The following NAALADL2 variants were observed in gnomAD, a reference collection of about 807,000 sequenced individuals.
NAALADL2 encodes N-acetylated alpha-linked acidic dipeptidase like 2, also known as inactive N-acetylated-alpha-linked acidic dipeptidase-like protein 2.
Under a neutral mutation model 87.2 loss-of-function variants are expected in NAALADL2, and 76 were observed. The ratio of observed to expected loss-of-function variants is 0.87; its 90% CI spans 0.72 to 1.05. The LOEUF (loss-of-function observed/expected upper bound fraction) is 1.05. Among genes scored for constraint, NAALADL2 ranks in the 50% least tolerant of loss-of-function variants. The probability of loss-of-function intolerance (pLI) is 0.00; values close to 1 mark genes in which losing one functional copy is unlikely to be tolerated. For synonymous variants in NAALADL2, 354 were observed against 331.0 expected (o/e 1.07, Z -0.75); for missense variants, 1,089 against 945.8 (o/e 1.15, Z -1.99).
In NAALADL2 at chr3:174,668,189, G is replaced by C. The variant is rs1169058862; in HGVS notation, c.-114-69452G>C. Reference sequence around the variant, plus strand: ...TCCTTTGTCTATTTAATTCCTTTGGGCATTTTTAAATTGGGCTACTTTTTG... The same window carrying C: ...TCCTTTGTCTATTTAATTCCTTTGGCCATTTTTAAATTGGGCTACTTTTTG... On this transcript the variant is annotated intron_variant, in intron 2 of 3. Coordinates refer to the NAALADL2 transcript ENST00000434257. Among the ~76,000 whole-genome samples, 25 of 151,972 alleles carry C rather than the reference G, an allele frequency of 1.6e-4. 1 individual carries two copies.
At chr3:174,575,382 C>A (rs572571760) in intron 2 of NAALADL2, among the ~76,000 whole-genome samples, 32 of 152,238 alleles carry the variant, frequency 2.1e-4, no homozygotes, top group African/African-American at 7.7e-4. Context: ...GGACTTGGTA[C>A]TTTGTGAGCA....
chr3:174,721,669 A>G (rs1354053979), intron 2 of NAALADL2, among the ~76,000 whole-genome samples: 1 of 152,210 alleles, frequency 6.6e-6, no homozygotes, highest in Non-Finnish European at 1.5e-5. Flanking sequence ...TGTCTACCAG[A>G]GTTCCATGGA....
At chr3:174,874,940 C>A (rs181801004) in intron 1 of NAALADL2, among the ~76,000 whole-genome samples, 190 of 151,512 alleles carry the variant, frequency 1.3e-3, no homozygotes, top group African/African-American at 4.4e-3. Flanking sequence ...TATAGTGAGA[C>A]CCTATCTTTA....
chr3:175,158,502 C>G (rs1732657954), intron 2 of NAALADL2, among the ~76,000 whole-genome samples: 1 of 152,034 alleles, frequency 6.6e-6, no homozygotes, highest in Admixed American at 6.6e-5. Flanking sequence ...CTTTTGGATT[C>G]CATCTTTACT....
intron 2 of NAALADL2, among the ~76,000 whole-genome samples, chr3:174,583,440 C>T (rs1716378932): frequency 6.6e-6 from 1 of 152,168 alleles, no homozygotes; most frequent in African/African-American, 2.4e-5. Flanking sequence ...ATGGTTCAAT[C>T]TGGCTTATTT....
chr3:175,101,848 T>C (rs1722259340), intron 2 of NAALADL2, among the ~76,000 whole-genome samples: 1 of 149,166 alleles, frequency 6.7e-6, no homozygotes. Context: ...TTATGGCTAA[T>C]ATAATTTCCT....
chr3:174,736,567 G>A (rs1308552722), intron 2 of NAALADL2, among the ~76,000 whole-genome samples: 5 of 152,106 alleles, frequency 3.3e-5, no homozygotes, highest in African/African-American at 4.8e-5. Context: ...GTTCCTGTCT[G>A]TAGGCAGGTT....
At chr3:175,131,598 C>T (rs149777901) in intron 2 of NAALADL2, among the ~76,000 whole-genome samples, 72,697 of 152,002 alleles carry the variant, frequency 0.48, 17,576 homozygotes, top group East Asian at 0.63. Context: ...CGCCTTTCCC[C>T]GCTTTCTATT....
intron 10 of NAALADL2, among the ~76,000 whole-genome samples, chr3:175,594,351 G>C (rs1449156778): frequency 1.3e-5 from 2 of 152,058 alleles, no homozygotes; most frequent in Non-Finnish European, 2.9e-5. Context: ...TGGCTTCATA[G>C]TATTCCATTG....
chr3:174,681,824 C>G (rs1456058832), intron 2 of NAALADL2, among the ~76,000 whole-genome samples: 5 of 152,188 alleles, frequency 3.3e-5, no homozygotes, highest in Admixed American at 1.3e-4. Flanking sequence ...GGGTAGAAAA[C>G]TAGTGGACTT....
intron 2 of NAALADL2, among the ~76,000 whole-genome samples, chr3:175,224,331 T>C (rs1296596302): frequency 6.6e-6 from 1 of 152,152 alleles, no homozygotes; most frequent in Non-Finnish European, 1.5e-5. Context: ...GTCAGGTGGC[T>C]GGGCAGGATG....
chr3:174,736,824 T>A (rs1054624337), intron 2 of NAALADL2, among the ~76,000 whole-genome samples: 1 of 152,156 alleles, frequency 6.6e-6, no homozygotes, highest in African/African-American at 2.4e-5. Context: ...CCAGGCTGTT[T>A]GTGCTGAGGG....
chr3:175,142,526 C>T, intron 2 of NAALADL2, among the ~76,000 whole-genome samples: 1 of 151,944 alleles, frequency 6.6e-6, no homozygotes, highest in Admixed American at 6.6e-5. Context: ...GCTTGAAGCT[C>T]CTAAAGAGCA....
chr3:174,658,811 A>G (rs1209247921), intron 2 of NAALADL2, among the ~76,000 whole-genome samples: 5 of 152,210 alleles, frequency 3.3e-5, no homozygotes, highest in Admixed American at 3.3e-4. Context: ...CTACTGGTAC[A>G]AAAGAAATGG....
intron 11 of NAALADL2, among the ~76,000 whole-genome samples, chr3:175,688,291 A>G (rs917513651): frequency 1.3e-5 from 2 of 152,110 alleles, no homozygotes; most frequent in African/African-American, 2.4e-5. Context: ...TATGTTTTCT[A>G]TGAGAAATTA....
chr3:174,654,957 G>C (rs1482920406), intron 2 of NAALADL2, among the ~76,000 whole-genome samples: 1 of 152,012 alleles, frequency 6.6e-6, no homozygotes, highest in East Asian at 1.9e-4. Flanking sequence ...GGATGGTCTC[G>C]ATCTCCTGAC....
At position 175,162,346 on chromosome 3, in the gene NAALADL2, G is replaced by T. The variant is rs143292824; in HGVS notation, c.545+65055G>T. Among the ~76,000 whole-genome samples, 801 of 152,162 alleles carry T rather than the reference G, an allele frequency of 5.3e-3. 8 individuals carry two copies. The highest frequency in any genetic ancestry group is 0.018 in the African/African-American group (742 of 41,514). On this transcript the variant is annotated intron_variant, in intron 2 of 13. Transcript: ENST00000454872. ...TAAAATTTGCACTGCAATAGATTGTGTTGTCTACATAGATATCCACAATAA... is the reference window on the plus strand; with the variant it reads ...TAAAATTTGCACTGCAATAGATTGTTTTGTCTACATAGATATCCACAATAA...
At chr3:174,764,350 G>T (rs1000164985) in intron 3 of NAALADL2, among the ~76,000 whole-genome samples, 1 of 152,210 alleles carries the variant, frequency 6.6e-6, no homozygotes, top group Admixed American at 6.5e-5. Context: ...GCCGGGTGCA[G>T]TGGCTTATGC....
At chr3:175,410,637 G>A (rs1322696341) in intron 5 of NAALADL2, among the ~76,000 whole-genome samples, 1 of 152,058 alleles carries the variant, frequency 6.6e-6, no homozygotes, top group Non-Finnish European at 1.5e-5. Context: ...TCACAAAAAT[G>A]TTGAATTTTA....
Sources: gnomAD v4.1 joint callset for allele counts (sites outside exome capture counted in the v4.1 genomes callset) on GRCh38, gnomAD v4.1.1 for gene constraint, MANE v1.5 for transcripts, NCBI Gene and HGNC (gene_info 2026-07-23, HGNC 2026-07-21) for gene names.